Variants in ENTPD5 observed in about 807,000 individuals in gnomAD.
ENTPD5 encodes ectonucleoside triphosphate diphosphohydrolase 5 (inactive), also known as nucleoside diphosphate phosphatase ENTPD5.
Under a neutral mutation model 60.2 loss-of-function variants are expected in ENTPD5, and 49 were observed. The observed-to-expected ratio is 0.81, with a 90% CI of 0.65 to 1.03. The LOEUF (loss-of-function observed/expected upper bound fraction) is 1.03. Ranked by LOEUF, ENTPD5 falls within the 50% of genes least tolerant of loss-of-function variation. ENTPD5 has a pLI of 0.00. For synonymous variants in ENTPD5, 187 were observed against 185.4 expected (o/e 1.01, Z -0.07); for missense variants, 480 against 507.6 (o/e 0.95, Z 0.52).
intron 3 of ENTPD5, among the ~76,000 whole-genome samples, chr14:74,010,288 C>A (rs1479088460): frequency 6.6e-6 from 1 of 152,148 alleles, no homozygotes; most frequent in African/African-American, 2.4e-5. Context: ...GGCGCAGTGG[C>A]TCACGCCTGT....
downstream of ENTPD5, chr14:73,959,445 T>G: frequency 1.2e-6 from 2 of 1,614,198 alleles, no homozygotes; most frequent in Non-Finnish European, 1.7e-6. Context: ...CTTGGTTTGG[T>G]CCACGTCCCA....
chr14:73,981,182 G>T (rs1368867871), intron 6 of ENTPD5, among the ~76,000 whole-genome samples: 2 of 151,870 alleles, frequency 1.3e-5, no homozygotes, highest in Non-Finnish European at 2.9e-5. Flanking sequence ...TTAAATTTTT[G>T]ATCTGAATAA....
Position 73,963,357 on chromosome 14 carries a change from C to T in ENTPD5, c.*3571G>A, listed in dbSNP as rs1203852547. 2 of 386,212 alleles carry T rather than the reference C, an allele frequency of 5.2e-6. No individual in the cohort carries two copies. The highest frequency in any genetic ancestry group is 9.2e-6 in the Non-Finnish European group (2 of 217,426). 23.9% of individuals were successfully genotyped at this position (386,212 alleles called of 1,614,324 possible). A position where few individuals can be genotyped will look rare whatever the true frequency, so the allele number is the denominator to read the frequency against. On this transcript the variant is annotated 3_prime_UTR_variant, in exon 16 of 16. Transcript: ENST00000334696. ...TTTTAATGTTGGTCATAAATTTATA[C>T]AGTTGTTTTTTGATAGAGGTAAGAA... is the stretch of plus-strand genomic sequence containing the variant.
intron 3 of ENTPD5, among the ~76,000 whole-genome samples, chr14:73,992,342 A>G (rs1023023669): frequency 2.0e-5 from 3 of 152,152 alleles, no homozygotes; most frequent in East Asian, 1.9e-4. Context: ...TTGAGTATCT[A>G]GGGTTTATCA....
chr14:73,988,444 G>A (rs1329237058), intron 3 of ENTPD5, among the ~76,000 whole-genome samples: 2 of 152,114 alleles, frequency 1.3e-5, no homozygotes, highest in Non-Finnish European at 2.9e-5. Flanking sequence ...GTGATATTTT[G>A]ATATATGCAG....
downstream of ENTPD5, chr14:73,961,281 A>C (rs768822735): frequency 1.2e-6 from 2 of 1,614,050 alleles, no homozygotes; most frequent in Non-Finnish European, 1.7e-6. Context: ...GCTGCCCCCA[A>C]GCGTAGCCAG....
At chr14:74,014,601 T>C (rs936818088) in intron 2 of ENTPD5, among the ~76,000 whole-genome samples, 4 of 152,156 alleles carry the variant, frequency 2.6e-5, no homozygotes, top group Admixed American at 2.6e-4. Flanking sequence ...ATATCTTGTA[T>C]ATAAGTAAAA....
At chr14:74,015,362 C>A (rs1489129178) in intron 2 of ENTPD5, among the ~76,000 whole-genome samples, 1 of 93,736 alleles carries the variant, frequency 1.1e-5, no homozygotes, top group African/African-American at 4.2e-5. Flanking sequence ...ACCCCCCGCC[C>A]CCCCTTTTTT....
At chr14:73,995,459 A>G (rs2058308413) in intron 3 of ENTPD5, among the ~76,000 whole-genome samples, 1 of 151,980 alleles carries the variant, frequency 6.6e-6, no homozygotes, top group Non-Finnish European at 1.5e-5. Context: ...AAACAATAAT[A>G]CAGTAACTCA....
At position 73,977,137 on chromosome 14, in the gene ENTPD5, T is replaced by C. The variant is rs75524800; in HGVS notation, c.518-78A>G. 6.3e-3 allele frequency: 8,718 copies of C among 1,388,284 alleles called. 246 individuals carry two copies. The African/African-American group carries it at 0.083, about 13-fold the overall frequency. 86.0% of individuals were successfully genotyped at this position (1,388,284 alleles called of 1,614,324 possible). On this transcript the variant is annotated intron_variant, in intron 7 of 15. Coordinates refer to ENST00000334696, the MANE Select transcript of ENTPD5 (RefSeq NM_001249.5). ...TGGCCCCAACCTTGTTTTTTTTTTT[T>C]CCTCTCTAAATTCCATGTCTAGAGC...
At chr14:74,012,129 G>A (rs2058863610) in intron 2 of ENTPD5, among the ~76,000 whole-genome samples, 1 of 151,948 alleles carries the variant, frequency 6.6e-6, no homozygotes, top group African/African-American at 2.4e-5. Flanking sequence ...TTTTGAGATG[G>A]AGTCTCACTC....
chr14:73,968,627 T>C (rs1041612126), intron 15 of ENTPD5, among the ~76,000 whole-genome samples: 4 of 152,064 alleles, frequency 2.6e-5, no homozygotes, highest in Admixed American at 2.0e-4. Context: ...GGTTTCACCA[T>C]GTTGGCTAGG....
chr14:73,981,488 A>C (rs958592400), intron 6 of ENTPD5, among the ~76,000 whole-genome samples: 11 of 138,830 alleles, frequency 7.9e-5, no homozygotes, highest in Admixed American at 2.9e-4. Flanking sequence ...AACAGAAAAA[A>C]AAAATGTATA....
chr14:73,981,530 C>G (rs2057690312), intron 6 of ENTPD5, among the ~76,000 whole-genome samples: 1 of 151,388 alleles, frequency 6.6e-6, no homozygotes, highest in Non-Finnish European at 1.5e-5. Flanking sequence ...GGCGTGGTGG[C>G]TCATGCCTGT....
chr14:73,960,010 T>G, downstream of ENTPD5: 1 of 1,027,964 alleles, frequency 9.7e-7, no homozygotes, highest in African/African-American at 1.7e-5. Flanking sequence ...AATAATAACC[T>G]TTTGAGGGTT....
At position 74,005,068 on chromosome 14, in the gene ENTPD5, G is replaced by A. The variant is rs187974126; in HGVS notation, c.-71+6023C>T. On this transcript the variant is annotated intron_variant, in intron 3 of 15. Transcript: ENST00000334696. ...TATTCCAATGATATTAACTGTTTTT[G>A]TTCATTTGTTTATTCTTAGAAAAAA... 2.0e-5 allele frequency among the ~76,000 whole-genome samples: 3 copies of A among 151,488 alleles called. No individual in the cohort carries two copies. The East Asian group carries it at 5.8e-4, about 29-fold the overall frequency.
intron 5 of ENTPD5, among the ~76,000 whole-genome samples, chr14:73,985,340 T>C (rs2057855562): frequency 6.6e-6 from 1 of 152,208 alleles, no homozygotes; most frequent in African/African-American, 2.4e-5. Context: ...ATGGTTGAAC[T>C]AGTTTACAGT....
chr14:74,011,765 T>G (rs879574343), intron 2 of ENTPD5, among the ~76,000 whole-genome samples: 1 of 152,138 alleles, frequency 6.6e-6, no homozygotes, highest in African/African-American at 2.4e-5. Context: ...AGGTCTTTTT[T>G]TGCTGTTAAA....
Position 73,993,924 on chromosome 14 carries a change from A to C in ENTPD5, c.-70-5752T>G, listed in dbSNP as rs200853156. ...GGTATCTGTTTTCACGAAAAAACAAACAAAAAAAAACAAACAAAAAACCCT... is the reference window on the plus strand; with the variant it reads ...GGTATCTGTTTTCACGAAAAAACAACCAAAAAAAAACAAACAAAAAACCCT... On this transcript the variant is annotated intron_variant, in intron 3 of 15. Coordinates refer to ENST00000334696, the MANE Select transcript of ENTPD5 (RefSeq NM_001249.5). 6.3e-4 allele frequency among the ~76,000 whole-genome samples: 76 copies of C among 121,374 alleles called. 2 individuals are homozygous for C. The highest frequency in any genetic ancestry group is 8.6e-3 in the Middle Eastern group (2 of 232). 79.6% of individuals were successfully genotyped at this position (121,374 alleles called of 152,430 possible). A position where few individuals can be genotyped will look rare whatever the true frequency, so the allele number is the denominator to read the frequency against.
Sources: gnomAD v4.1 joint callset for allele counts (sites outside exome capture counted in the v4.1 genomes callset) on GRCh38, gnomAD v4.1.1 for gene constraint, MANE v1.5 for transcripts, NCBI Gene and HGNC (gene_info 2026-07-23, HGNC 2026-07-21) for gene names.